Variants in PI4KA observed in about 807,000 individuals in gnomAD.
PI4KA encodes the protein phosphatidylinositol 4-kinase alpha, also known as PI4-kinase alpha.
Under a neutral mutation model 271.4 loss-of-function variants are expected in PI4KA, and 122 were observed. The ratio of observed to expected loss-of-function variants is 0.45; its 90% CI spans 0.39 to 0.52. The LOEUF (loss-of-function observed/expected upper bound fraction) is 0.52, where lower values mean the gene tolerates loss of function less well. Among genes scored for constraint, PI4KA ranks in the 20% least tolerant of loss-of-function variants. PI4KA has a pLI of 0.00. For missense variants in PI4KA, 1,969 were observed against 2,769.1 expected (o/e 0.71, Z 6.48); for synonymous variants, 1,041 against 1,078.8 (o/e 0.96, Z 0.69).
At chr22:20,770,386 G>A (rs1375449196) in intron 19 of PI4KA, among the ~76,000 whole-genome samples, 1 of 151,406 alleles carries the variant, frequency 6.6e-6, no homozygotes, top group Admixed American at 6.6e-5. Context: ...GATGGCAGGC[G>A]CCTGTAATCC....
chr22:20,736,615 G>A (rs1403239249), intron 32 of PI4KA: 1 of 154,046 alleles, frequency 6.5e-6, no homozygotes, highest in East Asian at 1.9e-4. Context: ...ATAAGAGGGA[G>A]TCAAAGACGT....
intron 7 of PI4KA, 118 bp downstream of exon 7, chr22:20,818,365 C>T: frequency 1.5e-6 from 1 of 683,040 alleles, no homozygotes; most frequent in Non-Finnish European, 2.4e-6. Flanking sequence ...AAGCTTGGCA[C>T]TCTAGGTCCA....
At chr22:20,743,508 T>C (rs1307771066) in intron 30 of PI4KA, among the ~76,000 whole-genome samples, 1 of 151,966 alleles carries the variant, frequency 6.6e-6, no homozygotes, top group African/African-American at 2.4e-5. Flanking sequence ...CAGGCTGGAG[T>C]GCAGTGGTGC....
chr22:20,809,731 G>A (rs1281473852), intron 9 of PI4KA, among the ~76,000 whole-genome samples: 1 of 152,208 alleles, frequency 6.6e-6, no homozygotes, highest in African/African-American at 2.4e-5. Context: ...AGGCCAATGG[G>A]CAGAACGACA....
At chr22:20,782,291 C>A (rs1933859850) in intron 19 of PI4KA, among the ~76,000 whole-genome samples, 1 of 152,124 alleles carries the variant, frequency 6.6e-6, no homozygotes, top group Admixed American at 6.5e-5. Context: ...TGACAATCTC[C>A]TAAACACAGT....
In PI4KA at chr22:20,773,124, G is replaced by A. The variant is rs530268111; in HGVS notation, c.2329-7431C>T. Among the ~76,000 whole-genome samples, 153 of 152,132 alleles carry A rather than the reference G, an allele frequency of 1.0e-3. 1 individual carries two copies. Among genetic ancestry groups the A allele is most frequent in the African/African-American group, 3.5e-3 (145 of 41,496 alleles). ...CATAGGGCCAGGCGTGGTGGCTCAC[G>A]CATGTAATCCCAGCACTTTGGGAGG... On this transcript the variant is annotated intron_variant, in intron 19 of 54. Transcript: ENST00000255882.
Position 20,791,514 on chromosome 22 carries a change from G to A in PI4KA, c.2328+1679C>T, listed in dbSNP as rs180867799. Among the ~76,000 whole-genome samples, 26 of 152,322 alleles carry A rather than the reference G, an allele frequency of 1.7e-4. No individual in the cohort carries two copies. In the East Asian group the frequency reaches 5.0e-3, roughly 29 times the overall value. On this transcript the variant is annotated intron_variant, in intron 19 of 54. Coordinates refer to ENST00000255882, the MANE Select transcript of PI4KA (RefSeq NM_058004.4). ...TTCACGCCTGTAATCCCAGCACTAAGGGAGGCTGAAGTGGGGCAGATCACT... is the reference window on the plus strand; with the variant it reads ...TTCACGCCTGTAATCCCAGCACTAAAGGAGGCTGAAGTGGGGCAGATCACT...
intron 19 of PI4KA, among the ~76,000 whole-genome samples, chr22:20,780,887 G>T (rs1005619677): frequency 6.6e-6 from 1 of 151,928 alleles, no homozygotes; most frequent in African/African-American, 2.4e-5. Flanking sequence ...TAAATTGGAA[G>T]AAATAATACA....
Position 20,731,075 on chromosome 22 carries a change from A to AGGC in PI4KA, c.4289-1067_4289-1065dup, listed in dbSNP as rs1365197778. On this transcript the variant is annotated intron_variant, in intron 36 of 54. Coordinates refer to ENST00000255882, the MANE Select transcript of PI4KA (RefSeq NM_058004.4). ...GTGTCTGTAGTCTTAGCTGCTTGTG[A>AGGC]GGCTGGGGTGGGAGAATTGCTTGCA... Among the ~76,000 whole-genome samples the AGGC allele has an allele frequency of 2.0e-5, 3 of 152,210 alleles. No homozygotes were observed. The East Asian group carries it at 5.9e-4, about 30-fold the overall frequency.
intron 3 of PI4KA, among the ~76,000 whole-genome samples, chr22:20,830,005 C>T (rs997308093): frequency 6.6e-6 from 1 of 151,986 alleles, no homozygotes; most frequent in Non-Finnish European, 1.5e-5. Flanking sequence ...TGTGCTGTGG[C>T]CCTATGAGTT....
At chr22:20,773,004 T>C (rs1223155659) in intron 19 of PI4KA, among the ~76,000 whole-genome samples, 2 of 151,728 alleles carry the variant, frequency 1.3e-5, no homozygotes, top group African/African-American at 2.4e-5. Flanking sequence ...GTGAGGAGGA[T>C]TGCTTCAGCT....
chr22:20,854,918 G>A (rs996741299), intron 1 of PI4KA, among the ~76,000 whole-genome samples: 12 of 152,128 alleles, frequency 7.9e-5, no homozygotes, highest in African/African-American at 2.2e-4. Context: ...TTGGGAGGCC[G>A]AGGTGGGCGG....
intron 10 of PI4KA, among the ~76,000 whole-genome samples, 179 bp downstream of exon 10, chr22:20,807,183 G>A (rs1307149105): frequency 2.0e-5 from 3 of 152,198 alleles, no homozygotes; most frequent in Non-Finnish European, 4.4e-5. Flanking sequence ...GCAGGATCAT[G>A]GACAGATTTT....
chr22:20,712,964 G>A, intron 48 of PI4KA, 167 bp from the exon 49 acceptor site: 1 of 668,254 alleles, frequency 1.5e-6, no homozygotes, highest in East Asian at 2.8e-5. Context: ...CCGGGGGCTG[G>A]ACTCAGGCTG....
chr22:20,787,280 CACTGTA>C, intron 19 of PI4KA: 1 of 593,698 alleles, frequency 1.7e-6, no homozygotes. Flanking sequence ...TCATAGAAGT[CACTGTA>C]ACTGTAGTGT....
intron 54 of PI4KA, among the ~76,000 whole-genome samples, chr22:20,708,609 G>A (rs1014315079): frequency 9.4e-6 from 1 of 106,036 alleles, no homozygotes; most frequent in Non-Finnish European, 1.8e-5. Flanking sequence ...CATGCAGATG[G>A]CCACACCTGG....
At chr22:20,718,214 T>C (rs185195531) in intron 44 of PI4KA, among the ~76,000 whole-genome samples, 1 of 152,330 alleles carries the variant, frequency 6.6e-6, no homozygotes, top group East Asian at 1.9e-4. Flanking sequence ...GTGCCCAGCA[T>C]TGATGACTCC....
rs1383524444 is a variant in PI4KA, at chr22:20,725,515, T to C, written c.4995+973A>G. 1.6e-5 allele frequency: 7 copies of C among 449,906 alleles called. No individual in the cohort carries two copies. In the Admixed American group the frequency reaches 1.7e-4, roughly 11 times the overall value. The allele number at this position is 449,906 out of a possible 1,614,324, so 27.9% of individuals were successfully genotyped here. A position where few individuals can be genotyped will look rare whatever the true frequency, so the allele number is the denominator to read the frequency against. ...CAATAGGGTGGGTCCTAATCTAGTATGACAGGTGTTCTTATAAGGGGAGAT... is the reference window on the plus strand; with the variant it reads ...CAATAGGGTGGGTCCTAATCTAGTACGACAGGTGTTCTTATAAGGGGAGAT... On this transcript the variant is annotated intron_variant, in intron 42 of 54. Coordinates refer to ENST00000255882, the MANE Select transcript of PI4KA (RefSeq NM_058004.4).
At position 20,802,016 on chromosome 22, in the gene PI4KA, T is replaced by C. The variant is rs1397848577; in HGVS notation, c.1681A>G (p.Met561Val). ...GCGATGTCTCGGAGCTGCTCGTACA[T>C]GGAGGGCTGGCTCTTCTTACCCGAC... Reference protein sequence around the residue: ...VMSGKKSQPSMYEQLRDIAID... With the variant: ...VMSGKKSQPSVYEQLRDIAID... Residue 561 changes from methionine (M) to valine (V), a missense_variant, in exon 14 of 55, where the codon ATG becomes GTG. By Grantham distance (21) the Met-to-Val change is conservative (BLOSUM62 1). Transcript: ENST00000255882. 1.2e-6 allele frequency: 2 copies of C among 1,614,210 alleles called. No homozygotes were observed. Among genetic ancestry groups the C allele is most frequent in the Non-Finnish European group, 1.7e-6 (2 of 1,180,032 alleles).
Sources: allele counts gnomAD v4.1 joint callset (sites outside exome capture counted in the v4.1 genomes callset), GRCh38; gene constraint gnomAD v4.1.1; transcripts MANE v1.5; gene names NCBI Gene and HGNC (gene_info 2026-07-23, HGNC 2026-07-21).